Variants in PPP1R12A observed in about 807,000 individuals in gnomAD.
PPP1R12A encodes protein phosphatase 1 regulatory subunit 12A.
A neutral mutation model predicts 139.6 loss-of-function variants in PPP1R12A; 19 were observed. The ratio of observed to expected loss-of-function variants is 0.14; its 90% CI spans 0.09 to 0.20. PPP1R12A has a LOEUF of 0.20. Among genes scored for constraint, PPP1R12A ranks in the 10% least tolerant of loss-of-function variants. The probability of loss-of-function intolerance (pLI) is 1.00; values close to 1 mark genes in which losing one functional copy is unlikely to be tolerated. For synonymous variants in PPP1R12A, 427 were observed against 420.6 expected, an observed-to-expected ratio of 1.02 and a Z score of -0.19; for missense variants, 925 against 1,211.5, an observed-to-expected ratio of 0.76 and a Z score of 3.51.
chr12:79,858,009 C>T (rs907393158), intron 2 of PPP1R12A, among the ~76,000 whole-genome samples: 2 of 152,040 alleles, frequency 1.3e-5, no homozygotes, highest in South Asian at 2.1e-4. Flanking sequence ...TATAAATACC[C>T]CAAATAAAAT....
intron 1 of PPP1R12A, among the ~76,000 whole-genome samples, chr12:79,907,497 G>T (rs77591346): frequency 6.6e-6 from 1 of 152,162 alleles, no homozygotes; most frequent in Non-Finnish European, 1.5e-5. Context: ...GGGAGGGAAT[G>T]AAAATTAAGA....
intron 17 of PPP1R12A, among the ~76,000 whole-genome samples, chr12:79,796,312 T>C (rs1565743107): frequency 6.6e-6 from 1 of 152,042 alleles, no homozygotes; most frequent in East Asian, 1.9e-4. Flanking sequence ...TATGCCAATA[T>C]ATAGTTGAGA....
chr12:79,894,282 GT>G (rs1884929931), intron 1 of PPP1R12A, among the ~76,000 whole-genome samples: 1 of 152,186 alleles, frequency 6.6e-6, no homozygotes, highest in African/African-American at 2.4e-5. Context: ...AAGGTTCTTA[GT>G]AATTTAACTA....
chr12:79,888,338 G>A (rs567213341), intron 1 of PPP1R12A, among the ~76,000 whole-genome samples: 2 of 152,242 alleles, frequency 1.3e-5, no homozygotes, highest in Admixed American at 6.5e-5. Flanking sequence ...CATCTAACTT[G>A]TAAAATACAT....
intron 2 of PPP1R12A, among the ~76,000 whole-genome samples, chr12:79,854,107 G>T (rs983568727): frequency 5.9e-5 from 9 of 152,150 alleles, no homozygotes; most frequent in African/African-American, 1.2e-4. Context: ...GTAAGATCAA[G>T]AAAGTGCCAA....
In PPP1R12A at chr12:79,935,048, C is replaced by G. The variant is rs1888564043; in HGVS notation, c.-117G>C. 2 of 1,410,864 alleles carry G rather than the reference C, an allele frequency of 1.4e-6. No homozygotes were observed. Among genetic ancestry groups the G allele is most frequent in the Admixed American group, 6.0e-5 (2 of 33,082 alleles). The allele number at this position is 1,410,864 out of a possible 1,614,324, so 87.4% of individuals were successfully genotyped here. On this transcript the variant is annotated 5_prime_UTR_variant, in exon 1 of 25. Transcript: ENST00000450142. ...TCTATGAGTGCGGGCCAGAGGAGGG[C>G]TGGGAACCCGGAGCCGACGCTCGAG...
At chr12:79,863,219 G>A (rs1240487024) in intron 2 of PPP1R12A, among the ~76,000 whole-genome samples, 5 of 152,122 alleles carry the variant, frequency 3.3e-5, no homozygotes. Flanking sequence ...GCCAAACTAA[G>A]CTTCATAAGT....
chr12:79,815,044 G>A (rs1402452446), intron 9 of PPP1R12A, among the ~76,000 whole-genome samples: 1 of 152,054 alleles, frequency 6.6e-6, no homozygotes, highest in Non-Finnish European at 1.5e-5. Flanking sequence ...AACTTTTACA[G>A]CAAAGAGATT....
At position 79,790,254 on chromosome 12, in the gene PPP1R12A, A is replaced by C. The variant is rs535261134; in HGVS notation, c.2666+213T>G. On this transcript the variant is annotated intron_variant, in intron 20 of 24. Coordinates refer to ENST00000450142, the MANE Select transcript of PPP1R12A (RefSeq NM_002480.3). Reference sequence around the variant, plus strand: ...AAACTTTGGAATACCTTTGTTGTAGAGATTTGGGGAAAAATCTTACTTGCT... The same window carrying C: ...AAACTTTGGAATACCTTTGTTGTAGCGATTTGGGGAAAAATCTTACTTGCT... 4.6e-5 allele frequency among the ~76,000 whole-genome samples: 7 copies of C among 152,314 alleles called. No individual in the cohort carries two copies. In the South Asian group the frequency reaches 1.2e-3, roughly 27 times the overall value.
intron 1 of PPP1R12A, among the ~76,000 whole-genome samples, chr12:79,892,280 T>C (rs1405488082): frequency 1.3e-5 from 2 of 152,180 alleles, no homozygotes; most frequent in Non-Finnish European, 2.9e-5. Context: ...CTAATAACAC[T>C]AGACCACCCT....
At chr12:79,912,881 T>C (rs1003196738) in intron 1 of PPP1R12A, among the ~76,000 whole-genome samples, 4 of 152,224 alleles carry the variant, frequency 2.6e-5, no homozygotes, top group African/African-American at 4.8e-5. Flanking sequence ...TACGTTTCCA[T>C]TGCTACTGCA....
At chr12:79,919,211 C>A (rs187442992) in intron 1 of PPP1R12A, among the ~76,000 whole-genome samples, 2 of 152,196 alleles carry the variant, frequency 1.3e-5, no homozygotes, top group East Asian at 1.9e-4. Flanking sequence ...TCCCTAACAA[C>A]CTTGGCTAAC....
intron 14 of PPP1R12A, among the ~76,000 whole-genome samples, chr12:79,804,132 AG>A (rs1038098574): frequency 1.1e-4 from 17 of 152,108 alleles, no homozygotes; most frequent in Non-Finnish European, 2.2e-4. Flanking sequence ...CAGAGTAAGG[AG>A]TAAGAAACCA....
intron 2 of PPP1R12A, among the ~76,000 whole-genome samples, chr12:79,870,989 T>C (rs1366525690): frequency 6.6e-6 from 1 of 152,138 alleles, no homozygotes; most frequent in Non-Finnish European, 1.5e-5. Flanking sequence ...CTACTTGCAA[T>C]CCATTTTTTT....
At chr12:79,787,768 C>T (rs1234604916) in intron 21 of PPP1R12A, 1 of 152,322 alleles carries the variant, frequency 6.6e-6, no homozygotes, top group Non-Finnish European at 1.5e-5. Context: ...GCCACAGCCT[C>T]CCAAAGTGCT....
At position 79,820,765 on chromosome 12, in the gene PPP1R12A, T is replaced by C; in HGVS notation, c.1114+9A>G. On this transcript the variant is annotated intron_variant, in intron 8 of 24. Transcript: ENST00000450142. ...ATTCAACGAAAATGCATTTATCTTTTAATTTTACCTGTTTCAGCTTCTGAT... is the reference window on the plus strand; with the variant it reads ...ATTCAACGAAAATGCATTTATCTTTCAATTTTACCTGTTTCAGCTTCTGAT... 1 of 1,607,026 alleles carries C rather than the reference T, an allele frequency of 6.2e-7. No homozygotes were observed. The highest frequency in any genetic ancestry group is 8.5e-7 in the Non-Finnish European group (1 of 1,177,578).
intron 1 of PPP1R12A, among the ~76,000 whole-genome samples, chr12:79,907,667 G>A (rs979268915): frequency 2.0e-5 from 3 of 152,172 alleles, no homozygotes; most frequent in Non-Finnish European, 4.4e-5. Context: ...GGGAGGCCAA[G>A]GCAGGAGGAT....
intron 9 of PPP1R12A, among the ~76,000 whole-genome samples, chr12:79,810,314 C>A (rs1874366523): frequency 1.3e-5 from 2 of 152,070 alleles, no homozygotes; most frequent in Non-Finnish European, 2.9e-5. Context: ...GGACTTAAAA[C>A]CATGCATCTT....
At chr12:79,880,987 T>G (rs1473194288) in intron 1 of PPP1R12A, among the ~76,000 whole-genome samples, 1 of 152,152 alleles carries the variant, frequency 6.6e-6, no homozygotes, top group Non-Finnish European at 1.5e-5. Flanking sequence ...TTCAATTGTT[T>G]TGGGGCGCCA....
Sources: gnomAD v4.1 joint callset for allele counts (sites outside exome capture counted in the v4.1 genomes callset) on GRCh38, gnomAD v4.1.1 for gene constraint, MANE v1.5 for transcripts, NCBI Gene and HGNC (gene_info 2026-07-23, HGNC 2026-07-21) for gene names.